Variants in PTPRM observed in about 807,000 individuals in gnomAD.
The protein encoded by PTPRM is receptor-type tyrosine-protein phosphatase mu.
A neutral mutation model predicts 186.7 loss-of-function variants in PTPRM; 47 were observed. That is an observed-to-expected ratio of 0.25 (90% CI 0.20 to 0.32). PTPRM has a LOEUF of 0.32. Among genes scored for constraint, PTPRM ranks in the 10% least tolerant of loss-of-function variants. The pLI, the probability that PTPRM is intolerant of heterozygous loss-of-function variation, is 1.00. For synonymous variants in PTPRM, 668 were observed against 674.9 expected, an observed-to-expected ratio of 0.99 and a Z score of 0.16; for missense variants, 1,494 against 1,865.0, an observed-to-expected ratio of 0.80 and a Z score of 3.66.
chr18:7,824,722 G>A (rs923855947), intron 2 of PTPRM, among the ~76,000 whole-genome samples: 1 of 152,128 alleles, frequency 6.6e-6, no homozygotes, highest in Non-Finnish European at 1.5e-5. Flanking sequence ...TCCAAACTGT[G>A]GTTAAAACAT....
At chr18:7,763,185 A>G (rs2041858941) in intron 1 of PTPRM, among the ~76,000 whole-genome samples, 1 of 152,174 alleles carries the variant, frequency 6.6e-6, no homozygotes, top group Non-Finnish European at 1.5e-5. Flanking sequence ...TAGATTGGTG[A>G]TTTGGATTTT....
intron 7 of PTPRM, among the ~76,000 whole-genome samples, chr18:8,029,218 G>A (rs990424778): frequency 2.0e-5 from 3 of 148,610 alleles, no homozygotes; most frequent in African/African-American, 5.0e-5. Flanking sequence ...GTCCTGCCTG[G>A]AGTGCCCCTC....
At chr18:8,162,548 A>G (rs950595968) in intron 14 of PTPRM, among the ~76,000 whole-genome samples, 1 of 152,190 alleles carries the variant, frequency 6.6e-6, no homozygotes, top group South Asian at 2.1e-4. Flanking sequence ...CCACCCCAGC[A>G]TGGCTCCTCA....
chr18:8,318,197 T>C (rs2095322707), intron 21 of PTPRM, among the ~76,000 whole-genome samples: 1 of 151,674 alleles, frequency 6.6e-6, no homozygotes, highest in Non-Finnish European at 1.5e-5. Flanking sequence ...AATATTAAGA[T>C]CCATGGTGAT....
chr18:8,121,779 A>G (rs2092183524), intron 13 of PTPRM: 1 of 152,234 alleles, frequency 6.6e-6, no homozygotes, highest in Non-Finnish European at 1.5e-5. Context: ...TTTAGTAAGA[A>G]GAGAAAACAT....
intron 2 of PTPRM, among the ~76,000 whole-genome samples, chr18:7,784,612 A>G (rs1402304152): frequency 1.3e-5 from 2 of 151,778 alleles, no homozygotes; most frequent in African/African-American, 4.8e-5. Context: ...TTTTTATAAA[A>G]CCTCCAACCT....
At chr18:7,738,296 G>A (rs2040813710) in intron 1 of PTPRM, among the ~76,000 whole-genome samples, 1 of 152,224 alleles carries the variant, frequency 6.6e-6, no homozygotes, top group Admixed American at 6.5e-5. Context: ...CTCTTGGAAA[G>A]CATTTTCTGC....
intron 22 of PTPRM, among the ~76,000 whole-genome samples, chr18:8,339,363 G>C (rs2095460302): frequency 6.6e-6 from 1 of 152,038 alleles, no homozygotes. Flanking sequence ...TTCCCACAGG[G>C]GGACAACTGC....
chr18:8,258,827 C>T (rs545413549), intron 19 of PTPRM, among the ~76,000 whole-genome samples: 1 of 151,144 alleles, frequency 6.6e-6, no homozygotes, highest in African/African-American at 2.4e-5. Context: ...AGAGCTGAAA[C>T]GTATCAAAGA....
intron 19 of PTPRM, among the ~76,000 whole-genome samples, chr18:8,273,943 A>T (rs2147657013): frequency 6.6e-6 from 1 of 152,290 alleles, no homozygotes; most frequent in Non-Finnish European, 1.5e-5. Context: ...GCAGTCCAGT[A>T]ACATTTTTTT....
intron 23 of PTPRM, among the ~76,000 whole-genome samples, chr18:8,359,422 T>C (rs1385631202): frequency 6.6e-6 from 1 of 152,286 alleles, no homozygotes; most frequent in East Asian, 1.9e-4. Flanking sequence ...GCCCTGTCGC[T>C]AGCCTTCAAT....
intron 2 of PTPRM, among the ~76,000 whole-genome samples, chr18:7,884,610 C>A (rs569873623): frequency 2.7e-4 from 41 of 152,224 alleles, no homozygotes; most frequent in African/African-American, 9.9e-4. Flanking sequence ...ATGAATTTCA[C>A]AAAATCACAT....
intron 1 of PTPRM, among the ~76,000 whole-genome samples, chr18:7,651,865 C>G (rs1598300359): frequency 6.6e-6 from 1 of 151,798 alleles, no homozygotes; most frequent in Non-Finnish European, 1.5e-5. Context: ...GTCTAAAACA[C>G]CAAAAGCAAT....
At chr18:8,294,406 G>A (rs1407267142) in intron 19 of PTPRM, among the ~76,000 whole-genome samples, 1 of 152,194 alleles carries the variant, frequency 6.6e-6, no homozygotes, top group Non-Finnish European at 1.5e-5. Flanking sequence ...CCTCGTGACA[G>A]CAAGGAAGAG....
chr18:7,681,726 A>G (rs924876667), intron 1 of PTPRM, among the ~76,000 whole-genome samples: 1 of 152,180 alleles, frequency 6.6e-6, no homozygotes, highest in South Asian at 2.1e-4. Flanking sequence ...TCTCAATTGC[A>G]TTTCTTTTAA....
rs570445719 is a variant in PTPRM at position 7,567,906 on chromosome 18, C to T, written c.73+15C>T. 9.7e-6 allele frequency: 15 copies of T among 1,540,354 alleles called. No individual in the cohort carries two copies. In the African/African-American group the frequency reaches 2.0e-4, roughly 21 times the overall value. The stretch of plus-strand genomic sequence containing the variant: ...GACGTTCTCAGGTAAGCGGGACCGC[C>T]TCTGCCGCCCCCGAGGCGCGCGGGC... On this transcript the variant is annotated intron_variant, in intron 1 of 32. Coordinates refer to ENST00000580170, the MANE Select transcript of PTPRM (RefSeq NM_001105244.2). This position sits in a 1 kb window ranked among gnomAD's most constrained non-coding sequence, Gnocchi z 4.3.
chr18:8,333,504 A>G (rs973307586), intron 22 of PTPRM, among the ~76,000 whole-genome samples: 1 of 152,234 alleles, frequency 6.6e-6, no homozygotes, highest in Non-Finnish European at 1.5e-5. Flanking sequence ...TTGAAAAATC[A>G]CATAAAGCTT....
chr18:7,632,796 A>G (rs1234165887), intron 1 of PTPRM, among the ~76,000 whole-genome samples: 3 of 152,210 alleles, frequency 2.0e-5, no homozygotes, highest in Non-Finnish European at 4.4e-5. Flanking sequence ...TGTTTACTGT[A>G]GGAATTAGCA....
chr18:7,885,744 T>C (rs2048751797), intron 2 of PTPRM, among the ~76,000 whole-genome samples: 1 of 152,114 alleles, frequency 6.6e-6, no homozygotes, highest in African/African-American at 2.4e-5. Flanking sequence ...GATCTCAACA[T>C]AAAAATTCTT....
Sources: gnomAD v4.1 joint callset for allele counts (sites outside exome capture counted in the v4.1 genomes callset) on GRCh38, gnomAD v4.1.1 for gene constraint, Gnocchi (gnomAD v3.1) non-coding constraint, MANE v1.5 for transcripts, NCBI Gene and HGNC (gene_info 2026-07-23, HGNC 2026-07-21) for gene names.